The following VWCE variants were observed in gnomAD, a reference collection of about 807,000 sequenced individuals.
VWCE encodes von Willebrand factor C and EGF domain-containing protein.
VWCE carries 68 observed loss-of-function variants against 102.9 expected under a neutral mutation model. The ratio of observed to expected loss-of-function variants is 0.66; its 90% CI spans 0.54 to 0.81. The LOEUF is 0.81. VWCE is among the 30% of genes least tolerant of loss of function. The pLI is 0.00. For missense variants in VWCE, 1,137 were observed against 1,263.6 expected, an observed-to-expected ratio of 0.90 and a Z score of 1.52; for synonymous variants, 497 against 515.4, an observed-to-expected ratio of 0.96 and a Z score of 0.48.
intron 14 of VWCE, 30 bp from the exon 15 acceptor site, chr11:61,269,048 C>T: frequency 1.2e-6 from 2 of 1,602,772 alleles, no homozygotes; most frequent in Non-Finnish European, 1.7e-6. Flanking sequence ...CACCAAGACC[C>T]CACCGGTGAC....
Position 61,291,547 on chromosome 11 carries a change from G to C in VWCE, c.140C>G (p.Ser47Cys). Residue 47 changes from serine (S) to cysteine (C), a missense_variant, in exon 2 of 20, where the codon TCT becomes TGT. Ser to Cys is a moderately radical substitution (Grantham distance 112). Coordinates refer to ENST00000335613, the MANE Select transcript of VWCE (RefSeq NM_152718.2). ...AGGGCAGCAGCCACTCCCAAACCCAGAGAGGCAGACGTGGGGGCCCAGTCG... is the reference window on the plus strand; with the variant it reads ...AGGGCAGCAGCCACTCCCAAACCCACAGAGGCAGACGTGGGGGCCCAGTCG... Reference protein sequence around the residue: ...RRRLGPHVCLSGFGSGCCPGW... With the variant: ...RRRLGPHVCLCGFGSGCCPGW... The C allele has an allele frequency of 6.8e-7, 1 of 1,472,806 alleles. No homozygotes were observed. The allele number at this position is 1,472,806 out of a possible 1,614,324, so 91.2% of individuals were successfully genotyped here.
At chr11:61,277,388 C>T (rs996797922) in intron 10 of VWCE, among the ~76,000 whole-genome samples, 1 of 149,468 alleles carries the variant, frequency 6.7e-6, no homozygotes, top group Non-Finnish European at 1.5e-5. Flanking sequence ...GTGGGAGGAT[C>T]GCTTGAGCCC....
intron 15 of VWCE, among the ~76,000 whole-genome samples, chr11:61,268,641 T>G (rs933051709): frequency 1.3e-5 from 2 of 152,216 alleles, no homozygotes; most frequent in African/African-American, 4.8e-5. Flanking sequence ...CAAAAATGAC[T>G]GTTAAAACTT....
Position 61,291,256 on chromosome 11 carries a change from CCA to C in VWCE, c.295+6_295+7del. 6.4e-7 allele frequency: 1 copy of C among 1,568,474 alleles called. No individual in the cohort carries two copies. Among genetic ancestry groups the C allele is most frequent in the Non-Finnish European group, 8.6e-7 (1 of 1,156,310 alleles). On this transcript the variant is annotated splice_donor_region_variant and intron_variant, in intron 3 of 19. Transcript: ENST00000335613. ...TGTTCCCATCAGCCCCTTCCCATCCCCAGTTACCTGGGCAGGTGGCCCCTTGC... is the reference window on the plus strand; with the variant it reads ...TGTTCCCATCAGCCCCTTCCCATCCCGTTACCTGGGCAGGTGGCCCCTTGC...
Position 61,280,910 on chromosome 11 carries a change from G to A in VWCE, c.1113C>T (p.Pro371=). 2.0e-6 allele frequency: 3 copies of A among 1,527,342 alleles called. No homozygotes were observed. Among genetic ancestry groups the A allele is most frequent in the Non-Finnish European group, 2.6e-6 (3 of 1,140,148 alleles). The allele number at this position is 1,527,342 out of a possible 1,614,324, so 94.6% of individuals were successfully genotyped here. Residue 371 remains proline (P), a synonymous_variant, in exon 8 of 20, where the codon CCC becomes CCT. Transcript: ENST00000335613. The part of the protein sequence containing the change: ...QGEVMGTPSS[P]RGPESPRLAA... Reference sequence around the variant, plus strand: ...CCAGTCGGGGGGACTCAGGGCCCCTGGGTGAGGAAGGGGTCCCCATCACCT... The same window carrying A: ...CCAGTCGGGGGGACTCAGGGCCCCTAGGTGAGGAAGGGGTCCCCATCACCT...
chr11:61,281,012 C>G lies in VWCE; in HGVS notation c.1011G>C (p.Leu337=), dbSNP rs1419384616. The change falls in exon 8 of 20, where the codon CTG becomes CTC. Residue 337 remains leucine, a synonymous_variant. Coordinates refer to ENST00000335613, the MANE Select transcript of VWCE (RefSeq NM_152718.2). ...GCACTGGGGTGGCCAGCAGGGTGGA[C>G]AGCAGCCACACAGGGGCAGAAGGGG... ...TSSPSAPVWL[L]STLLATPVPT... is the part of the protein sequence containing the mutation. 1 of 1,563,130 alleles carries G rather than the reference C, an allele frequency of 6.4e-7. No individual in the cohort carries two copies. Among genetic ancestry groups the G allele is most frequent in the Non-Finnish European group, 8.7e-7 (1 of 1,154,238 alleles).
chr11:61,291,643 TC>T, intron 1 of VWCE, 67 bp from the exon 2 acceptor site: 1 of 1,278,040 alleles, frequency 7.8e-7, no homozygotes, highest in Non-Finnish European at 1.0e-6. Flanking sequence ...CAGGAAAGTC[TC>T]CCAGCCAGTG....
At chr11:61,291,046 T>C in intron 3 of VWCE, 119 bp from the exon 4 acceptor site, 1 of 1,454,480 alleles carries the variant, frequency 6.9e-7, no homozygotes, top group Non-Finnish European at 9.2e-7. Context: ...CAGGCCTGGG[T>C]TTAAATCCAG....
chr11:61,272,266 A>G (rs1854737544), intron 13 of VWCE, among the ~76,000 whole-genome samples: 1 of 152,120 alleles, frequency 6.6e-6, no homozygotes, highest in African/African-American at 2.4e-5. Flanking sequence ...ACACACACTC[A>G]TACAAATACA....
rs201151260 is a variant in VWCE at position 61,267,425 on chromosome 11, T to C, written c.1965+37A>G. The C allele has an allele frequency of 1.9e-4, 305 of 1,604,030 alleles. No individual in the cohort carries two copies. In the African/African-American group the frequency reaches 3.7e-3, roughly 20 times the overall value. Reference sequence around the variant, plus strand: ...GGAGCCGATGTCAGTTGTGGGGGAGTTTCCAGGGGCGGGAGTCAGATCTGG... The same window carrying C: ...GGAGCCGATGTCAGTTGTGGGGGAGCTTCCAGGGGCGGGAGTCAGATCTGG... On this transcript the variant is annotated intron_variant, in intron 16 of 19. Transcript: ENST00000335613.
At chr11:61,274,670 G>A (rs113008012) in intron 11 of VWCE, 86 bp from the exon 12 acceptor site, 13 of 1,222,844 alleles carry the variant, frequency 1.1e-5, no homozygotes, top group Admixed American at 3.7e-5. Context: ...AGGGAGCCCC[G>A]GGGCACTTAA....
At chr11:61,287,822 C>T (rs1280031069) in intron 4 of VWCE, among the ~76,000 whole-genome samples, 1 of 152,112 alleles carries the variant, frequency 6.6e-6, no homozygotes, top group East Asian at 1.9e-4. Context: ...GCTTGGGTTC[C>T]TTTTGAGGCA....
intron 7 of VWCE, 25 bp from the exon 8 acceptor site, chr11:61,281,260 T>C (rs1343963218): frequency 1.2e-6 from 2 of 1,610,858 alleles, no homozygotes; most frequent in Admixed American, 1.7e-5. Flanking sequence ...CGGAGGTCTC[T>C]TGGGGTGGAC....
intron 14 of VWCE, 141 bp downstream of exon 14, chr11:61,271,534 G>T: frequency 2.7e-6 from 2 of 727,410 alleles, no homozygotes; most frequent in Admixed American, 2.4e-5. Context: ...AACCCTTTTT[G>T]TGAAAGTGGA....
rs866916427 is a variant in VWCE at position 61,258,374 on chromosome 11, G to A, written c.*301C>T. On this transcript the variant is annotated 3_prime_UTR_variant, in exon 20 of 20. Coordinates refer to ENST00000335613, the MANE Select transcript of VWCE (RefSeq NM_152718.2). ...AGTCCCAGTGAGTGGAATCCCAGCC[G>A]GACGCAACTCTTCCTCCAGGAGAAC... 1.7e-4 allele frequency: 43 copies of A among 256,500 alleles called. No individual in the cohort carries two copies. The East Asian group carries it at 2.7e-3, about 16-fold the overall frequency. 15.9% of individuals were successfully genotyped at this position (256,500 alleles called of 1,614,324 possible).
At chr11:61,273,391 C>T (rs1251587287) in intron 12 of VWCE, 75 bp from the exon 13 acceptor site, 1 of 1,398,184 alleles carries the variant, frequency 7.2e-7, no homozygotes, top group South Asian at 1.4e-5. Context: ...GAGGAGGCCG[C>T]AGGCTGCCTG....
Position 61,295,059 on chromosome 11 carries a change from C to A in VWCE, c.-22G>T, listed in dbSNP as rs890992186. The A allele has an allele frequency of 2.2e-6, 3 of 1,337,496 alleles. No homozygotes were observed. The highest frequency in any genetic ancestry group is 7.0e-5 in the Admixed American group (2 of 28,434). The allele number at this position is 1,337,496 out of a possible 1,614,324, so 82.9% of individuals were successfully genotyped here. A position where few individuals can be genotyped will look rare whatever the true frequency, so the allele number is the denominator to read the frequency against. Reference sequence around the variant, plus strand: ...ACATGACCGGCGGCGGCGGGTCCCCCGGGCTGGGCTCGGCTCCTGCGCCGC... The same window carrying A: ...ACATGACCGGCGGCGGCGGGTCCCCAGGGCTGGGCTCGGCTCCTGCGCCGC... On this transcript the variant is annotated 5_prime_UTR_variant, in exon 1 of 20. Transcript: ENST00000335613. This position sits in a 1 kb window ranked among gnomAD's most constrained non-coding sequence, Gnocchi z 4.6.
chr11:61,271,990 A>G (rs1011106310), intron 13 of VWCE, among the ~76,000 whole-genome samples: 1 of 152,218 alleles, frequency 6.6e-6, no homozygotes, highest in Non-Finnish European at 1.5e-5. Context: ...CACAGATACC[A>G]TTCATGCACA....
At chr11:61,291,393 C>A in intron 2 of VWCE, 40 bp from the exon 3 acceptor site, 2 of 1,596,344 alleles carry the variant, frequency 1.3e-6, no homozygotes, top group East Asian at 4.5e-5. Context: ...GGAACTGGGG[C>A]CTCCCGTCTG....
Sources: allele counts gnomAD v4.1 joint callset (sites outside exome capture counted in the v4.1 genomes callset), GRCh38; gene constraint gnomAD v4.1.1; non-coding constraint Gnocchi (gnomAD v3.1); transcripts MANE v1.5; gene names NCBI Gene and HGNC (gene_info 2026-07-23, HGNC 2026-07-21).